TYK2: variants seen among roughly 807,000 people sequenced by gnomAD.
The protein encoded by TYK2 is tyrosine kinase 2.
Under a neutral mutation model 130.9 loss-of-function variants are expected in TYK2, and 65 were observed. The ratio of observed to expected loss-of-function variants is 0.50; its 90% CI spans 0.41 to 0.61. The LOEUF is 0.61. Ranked by LOEUF, TYK2 falls within the 20% of genes least tolerant of loss-of-function variation. The probability of loss-of-function intolerance (pLI) is 0.00; values close to 1 mark genes in which losing one functional copy is unlikely to be tolerated. For missense variants in TYK2, 1,378 were observed against 1,610.7 expected (o/e 0.86, Z 2.47); for synonymous variants, 647 against 658.9 (o/e 0.98, Z 0.28).
Position 10,356,729 on chromosome 19 carries a change from A to G in TYK2, c.2467-11T>C, listed in dbSNP as rs774483733. 13 of 1,594,974 alleles carry G rather than the reference A, an allele frequency of 8.2e-6. No individual in the cohort carries two copies. The highest frequency in any genetic ancestry group is 5.4e-5 in the African/African-American group (4 of 74,584). On this transcript the variant is annotated splice_polypyrimidine_tract_variant and intron_variant, in intron 17 of 24. Transcript: ENST00000525621. Reference sequence around the variant, plus strand: ...GTAGAAATGCTCCTTCTGTTGGGAAAGGGACCCAGAGGAGTCAACATCCTC... The same window carrying G: ...GTAGAAATGCTCCTTCTGTTGGGAAGGGGACCCAGAGGAGTCAACATCCTC...
Position 10,361,471 on chromosome 19 carries a change from G to A in TYK2, c.2047+40C>T. 6.5e-7 allele frequency: 1 copy of A among 1,539,244 alleles called. No individual in the cohort carries two copies. Among genetic ancestry groups the A allele is most frequent in the Non-Finnish European group, 8.8e-7 (1 of 1,141,922 alleles). On this transcript the variant is annotated intron_variant, in intron 14 of 24. Coordinates refer to ENST00000525621, the MANE Select transcript of TYK2 (RefSeq NM_003331.5). This position sits in a 1 kb window ranked among gnomAD's most constrained non-coding sequence, Gnocchi z 4.0. ...CAGGGAGTGGGTATAAGTCAGGGGTGGCCTGCCAAAGGGGGATGGGTATGG... is the reference window on the plus strand; with the variant it reads ...CAGGGAGTGGGTATAAGTCAGGGGTAGCCTGCCAAAGGGGGATGGGTATGG...
Position 10,361,642 on chromosome 19 carries a change from C to T in TYK2, c.1960-44G>A. On this transcript the variant is annotated intron_variant, in intron 13 of 24. Coordinates refer to ENST00000525621, the MANE Select transcript of TYK2 (RefSeq NM_003331.5). The surrounding 1 kb of genome is among the most constrained non-coding windows in gnomAD (Gnocchi z 4.0). ...TCAGGTGGCTGCAAAGCCGACCCCT[C>T]CCATCCCACCTCCTCCACGGACACA... The T allele has an allele frequency of 6.4e-7, 1 of 1,557,222 alleles. No individual in the cohort carries two copies.
intron 3 of TYK2, among the ~76,000 whole-genome samples, chr19:10,372,501 T>TC (rs1305131936): frequency 8.3e-6 from 1 of 120,428 alleles, no homozygotes; most frequent in Non-Finnish European, 1.7e-5. Context: ...TTTTTTTTTT[T>TC]TTTTTTGAGA....
chr19:10,362,931 A>G (rs902798189), intron 9 of TYK2, among the ~76,000 whole-genome samples: 1 of 152,014 alleles, frequency 6.6e-6, no homozygotes, highest in African/African-American at 2.4e-5. Flanking sequence ...CAATGGCGTG[A>G]TCTCAGCTTA....
rs199579383 is a variant in TYK2 at position 10,365,487 on chromosome 19, C to A, written c.1011+30G>T. 35 of 1,612,494 alleles carry A rather than the reference C, an allele frequency of 2.2e-5. No homozygotes were observed. The Admixed American group carries it at 5.2e-4, about 24-fold the overall frequency. ...GAAACCCACCCCAGCCCAACCTGAACCCCCAGGGCGGAAGGGGCGCCTTGC... is the reference window on the plus strand; with the variant it reads ...GAAACCCACCCCAGCCCAACCTGAAACCCCAGGGCGGAAGGGGCGCCTTGC... On this transcript the variant is annotated intron_variant, in intron 7 of 24. Coordinates refer to ENST00000525621, the MANE Select transcript of TYK2 (RefSeq NM_003331.5).
chr19:10,357,054 T>C, intron 17 of TYK2: 1 of 427,558 alleles, frequency 2.3e-6, no homozygotes, highest in Non-Finnish European at 4.3e-6. Flanking sequence ...TAGGCTGCCC[T>C]TCCTAGCCAG....
intron 3 of TYK2, among the ~76,000 whole-genome samples, chr19:10,374,409 C>T (rs970627369): frequency 3.3e-5 from 5 of 149,700 alleles, no homozygotes; most frequent in Admixed American, 3.3e-4. Context: ...CATGGTGAAA[C>T]CCCCGTCTCT....
chr19:10,352,615 C>G, intron 22 of TYK2, 64 bp from the exon 23 acceptor site: 2 of 855,632 alleles, frequency 2.3e-6, no homozygotes, highest in South Asian at 3.3e-5. Flanking sequence ...TCAGACCAGG[C>G]TGAAGCCCTC....
At chr19:10,356,234 C>A (rs2041092283) in intron 18 of TYK2, among the ~76,000 whole-genome samples, 1 of 152,086 alleles carries the variant, frequency 6.6e-6, no homozygotes, top group Non-Finnish European at 1.5e-5. Flanking sequence ...CAAAAATTAG[C>A]CGGGCATGGT....
At chr19:10,378,149 G>C (rs900018148) in intron 3 of TYK2, 65 bp downstream of exon 3, 1 of 1,552,134 alleles carries the variant, frequency 6.4e-7, no homozygotes. Flanking sequence ...TAGACGGATG[G>C]ATGGGGCCCA....
rs1195920140 is a variant in TYK2, at chr19:10,354,028, C to T, written c.2908+14G>A. ...GCCCCCTCAAGTCTCTAGGACTCGC[C>T]GGGTCCCGCCCACCTTGGTCCTCGC... On this transcript the variant is annotated intron_variant, in intron 20 of 24. Coordinates refer to ENST00000525621, the MANE Select transcript of TYK2 (RefSeq NM_003331.5). 2 of 1,613,686 alleles carry T rather than the reference C, an allele frequency of 1.2e-6. No individual in the cohort carries two copies. Among genetic ancestry groups the T allele is most frequent in the South Asian group, 2.2e-5 (2 of 91,074 alleles).
Position 10,365,769 on chromosome 19 carries a change from CTGCTGG to C in TYK2, c.753_758del (p.Gln252_Gln253del). The stretch of plus-strand genomic sequence containing the variant: ...TGGCTAGGTATTTGACCATGACCAT[CTGCTGG>C]GAGAGTCGGCCCGGCTGGAAGTCCC... On this transcript the variant is annotated inframe_deletion, in exon 7 of 25. Coordinates refer to ENST00000525621, the MANE Select transcript of TYK2 (RefSeq NM_003331.5). The C allele has an allele frequency of 1.2e-6, 2 of 1,612,834 alleles. No homozygotes were observed. Among genetic ancestry groups the C allele is most frequent in the Non-Finnish European group, 1.7e-6 (2 of 1,179,880 alleles).
At position 10,354,071 on chromosome 19, in the gene TYK2, A is replaced by T; in HGVS notation, c.2879T>A (p.Ile960Asn). 6.2e-7 allele frequency: 1 copy of T among 1,614,044 alleles called. No homozygotes were observed. Among genetic ancestry groups the T allele is most frequent in the Non-Finnish European group, 8.5e-7 (1 of 1,180,006 alleles). ...ILRTLYHEHIIKYKGCCEDQG... is the reference protein window; with the variant it reads ...ILRTLYHEHINKYKGCCEDQG... ...GTCCTCGCAGCAGCCCTTGTACTTG[A>T]TGATGTGCTCGTGGTAGAGCGTGCG... is the stretch of plus-strand genomic sequence containing the variant. The change falls in exon 20 of 25, where the codon ATC (isoleucine) becomes AAC (asparagine). Residue 960 changes from isoleucine to asparagine, a missense_variant. Transcript: ENST00000525621.
At position 10,357,771 on chromosome 19, in the gene TYK2, G is replaced by T. The variant is rs34046749; in HGVS notation, c.2459C>A (p.Pro820His). The change falls in exon 17 of 25, where the codon CCC becomes CAC. Residue 820 changes from proline (P) to histidine (H), a missense_variant. Transcript: ENST00000525621. ...DGEAPLQSRS[P>H]SEKEHFYQRQ... Reference sequence around the variant, plus strand: ...AGGGTCTCCTAGACATACCTCGGAGGGACTGCGGCTCTGCAGAGGGGCCTC... The same window carrying T: ...AGGGTCTCCTAGACATACCTCGGAGTGACTGCGGCTCTGCAGAGGGGCCTC... 2,273 of 1,609,950 alleles carry T rather than the reference G, an allele frequency of 1.4e-3. 25 individuals carry two copies. The African/African-American group carries it at 0.027, about 19-fold the overall frequency.
At chr19:10,358,294 G>GTTTTTTTTTTTTT (rs770531180) in intron 15 of TYK2, among the ~76,000 whole-genome samples, 156 bp from the exon 16 acceptor site, 16 of 91,386 alleles carry the variant, frequency 1.8e-4, no homozygotes, top group South Asian at 3.7e-4. Flanking sequence ...TTTTTTTCTT[G>GTTTTTTTTTTTTT]TTTTTTTTTT....
Position 10,358,149 on chromosome 19 carries a change from C to G in TYK2, c.2176-11G>C. The G allele has an allele frequency of 6.2e-7, 1 of 1,601,032 alleles. No individual in the cohort carries two copies. The highest frequency in any genetic ancestry group is 8.5e-7 in the Non-Finnish European group (1 of 1,174,308). Reference sequence around the variant, plus strand: ...CAGGTTCTTGTTCTCCTGAGGTGGGCAGGAGAGGGGGTGTGGCCACTCAGG... The same window carrying G: ...CAGGTTCTTGTTCTCCTGAGGTGGGGAGGAGAGGGGGTGTGGCCACTCAGG... On this transcript the variant is annotated splice_polypyrimidine_tract_variant and intron_variant, in intron 15 of 24. Coordinates refer to ENST00000525621, the MANE Select transcript of TYK2 (RefSeq NM_003331.5).
In TYK2 at chr19:10,354,295, C is replaced by A. The variant is rs141407156; in HGVS notation, c.2716-61G>T. ...CCAATCCCTGCACCACTCCCCAACC[C>A]CCGATTTCCCGGGCCACTCCTCCAG... On this transcript the variant is annotated intron_variant, in intron 19 of 24. Coordinates refer to ENST00000525621, the MANE Select transcript of TYK2 (RefSeq NM_003331.5). The A allele has an allele frequency of 1.0e-3, 1,639 of 1,582,766 alleles. 20 individuals are homozygous for A. The African/African-American group carries it at 0.019, about 18-fold the overall frequency.
intron 14 of TYK2, among the ~76,000 whole-genome samples, chr19:10,360,190 T>TA (rs545328549): frequency 5.2e-4 from 73 of 141,488 alleles, no homozygotes; most frequent in Admixed American, 3.4e-3. Context: ...TCAAAAAAAT[T>TA]AAAAAAAAAA....
intron 3 of TYK2, among the ~76,000 whole-genome samples, chr19:10,377,540 ATGGAT>A (rs2042178993): frequency 2.7e-5 from 2 of 73,470 alleles, no homozygotes; most frequent in Non-Finnish European, 5.3e-5. Flanking sequence ...GGATGGATGG[ATGGAT>A]GGGTGGGTGG....
Sources: gnomAD v4.1 joint callset for allele counts (sites outside exome capture counted in the v4.1 genomes callset) on GRCh38, gnomAD v4.1.1 for gene constraint, Gnocchi (gnomAD v3.1) non-coding constraint, MANE v1.5 for transcripts, NCBI Gene and HGNC (gene_info 2026-07-23, HGNC 2026-07-21) for gene names.